Variants in VPS53 observed in about 807,000 individuals in gnomAD.
VPS53 encodes the protein VPS53 subunit of GARP complex, also known as vacuolar protein sorting-associated protein 53 homolog.
In VPS53, 70 loss-of-function variants were observed where a neutral mutation model predicts 107.0. The ratio of observed to expected loss-of-function variants is 0.65; its 90% CI spans 0.54 to 0.80. The LOEUF (loss-of-function observed/expected upper bound fraction) is 0.80, where lower values mean the gene tolerates loss of function less well. Ranked by LOEUF, VPS53 falls within the 30% of genes least tolerant of loss-of-function variation. The probability of loss-of-function intolerance (pLI) is 0.00; values close to 1 mark genes in which losing one functional copy is unlikely to be tolerated. For missense variants in VPS53, 917 were observed against 1,049.4 expected, an observed-to-expected ratio of 0.87 and a Z score of 1.74; for synonymous variants, 409 against 393.3, an observed-to-expected ratio of 1.04 and a Z score of -0.47.
At chr17:623,863 G>A (rs1969574267) in intron 10 of VPS53, among the ~76,000 whole-genome samples, 189 bp from the exon 11 acceptor site, 1 of 151,980 alleles carries the variant, frequency 6.6e-6, no homozygotes, top group Non-Finnish European at 1.5e-5. Context: ...GATTTTTAAG[G>A]TGAAATTATC....
At chr17:667,661 G>T (rs1013486104) in intron 4 of VPS53, among the ~76,000 whole-genome samples, 3 of 137,672 alleles carry the variant, frequency 2.2e-5, no homozygotes, top group East Asian at 2.6e-4. Flanking sequence ...GTTCTGGGGG[G>T]GGGGGCAATG....
intron 7 of VPS53, among the ~76,000 whole-genome samples, chr17:647,409 C>T (rs896911087): frequency 1.3e-5 from 2 of 152,166 alleles, no homozygotes; most frequent in African/African-American, 4.8e-5. Flanking sequence ...CAGCACGGGG[C>T]CTAGGATGTA....
intron 19 of VPS53, among the ~76,000 whole-genome samples, chr17:523,935 G>C (rs1597242902): frequency 6.6e-6 from 1 of 152,148 alleles, no homozygotes; most frequent in South Asian, 2.1e-4. Flanking sequence ...GCTTTTCCTC[G>C]GAGGAACCCA....
intron 17 of VPS53, among the ~76,000 whole-genome samples, chr17:542,722 TA>T (rs1285254449): frequency 6.6e-6 from 1 of 152,216 alleles, no homozygotes; most frequent in East Asian, 1.9e-4. Flanking sequence ...AACATGCCTG[TA>T]ATCCCAGCAG....
chr17:642,119 C>A (rs1970444863), intron 7 of VPS53, among the ~76,000 whole-genome samples: 1 of 152,182 alleles, frequency 6.6e-6, no homozygotes, highest in African/African-American at 2.4e-5. Flanking sequence ...AAAGAAAACA[C>A]CCCCAACAGT....
intron 5 of VPS53, chr17:657,256 C>T (rs1240447530): frequency 1.0e-6 from 1 of 988,816 alleles, no homozygotes; most frequent in African/African-American, 1.6e-5. Flanking sequence ...GCAAAGCAAC[C>T]TTTGGTGTCA....
intron 7 of VPS53, among the ~76,000 whole-genome samples, chr17:644,093 C>G (rs868128034): frequency 1.3e-5 from 2 of 152,192 alleles, no homozygotes; most frequent in Non-Finnish European, 2.9e-5. Flanking sequence ...TAGAAACATT[C>G]CCTTTCACGG....
At chr17:657,540 C>G (rs1406991834) in intron 5 of VPS53, 2 of 1,242,052 alleles carry the variant, frequency 1.6e-6, no homozygotes, top group African/African-American at 3.0e-5. Context: ...CTTGGCACCA[C>G]GAGCCATGGC....
intron 13 of VPS53, among the ~76,000 whole-genome samples, chr17:569,503 C>G (rs942880393): frequency 2.6e-5 from 4 of 152,102 alleles, no homozygotes; most frequent in African/African-American, 4.8e-5. Context: ...TGCCTACAAC[C>G]TACTGAATAA....
chr17:631,440 C>A (rs1375016617), intron 8 of VPS53, 110 bp downstream of exon 8: 2 of 1,160,518 alleles, frequency 1.7e-6, no homozygotes, highest in African/African-American at 3.0e-5. Context: ...GAAGGATTTG[C>A]AGCTGCCAGC....
chr17:610,319 A>G (rs1968802351), intron 11 of VPS53, among the ~76,000 whole-genome samples: 1 of 152,210 alleles, frequency 6.6e-6, no homozygotes, highest in African/African-American at 2.4e-5. Context: ...GAAACAACTT[A>G]AGCTGTGACA....
intron 16 of VPS53, 145 bp from the exon 17 acceptor site, chr17:552,095 G>A: frequency 1.4e-6 from 1 of 698,680 alleles, no homozygotes; most frequent in Non-Finnish European, 2.3e-6. Context: ...GGAACAGCTT[G>A]GCTCTTTCTT....
At chr17:601,045 G>C (rs1026557493) in intron 12 of VPS53, 2 of 152,192 alleles carry the variant, frequency 1.3e-5, no homozygotes, top group African/African-American at 4.8e-5. Flanking sequence ...TCTCAGAGCT[G>C]GTCCTCCCAG....
rs1047006028 is a variant in VPS53, at chr17:510,994, G to C, written c.*8134C>G. On this transcript the variant is annotated 3_prime_UTR_variant, in exon 22 of 22. Transcript: ENST00000437048. The stretch of plus-strand genomic sequence containing the variant: ...CGGTGTGGGTATGAGGTTGTGGGGG[G>C]CTCTGTGTGTAAACTGATGTTTCTT... 6.6e-6 allele frequency: 1 copy of C among 152,054 alleles called. No homozygotes were observed. The allele number at this position is 152,054 out of a possible 1,614,324, so 9.4% of individuals were successfully genotyped here. A position where few individuals can be genotyped will look rare whatever the true frequency, so the allele number is the denominator to read the frequency against.
chr17:668,105 A>G (rs554686283), intron 4 of VPS53, among the ~76,000 whole-genome samples: 2 of 152,286 alleles, frequency 1.3e-5, no homozygotes, highest in South Asian at 2.1e-4. Context: ...TAGCAGGGTT[A>G]TAAGTATCCT....
chr17:549,209 A>C (rs1024493798), intron 17 of VPS53, among the ~76,000 whole-genome samples: 1 of 152,222 alleles, frequency 6.6e-6, no homozygotes, highest in African/African-American at 2.4e-5. Context: ...CATTATCACA[A>C]AAGTTTTTTT....
intron 4 of VPS53, among the ~76,000 whole-genome samples, chr17:671,619 G>A (rs189026697): frequency 9.1e-4 from 138 of 152,118 alleles, no homozygotes; most frequent in Non-Finnish European, 1.3e-3. Flanking sequence ...CTTCCCCTCC[G>A]CATGCGAAAT....
chr17:589,204 A>G (rs1173841366), intron 12 of VPS53, among the ~76,000 whole-genome samples: 1 of 151,936 alleles, frequency 6.6e-6, no homozygotes, highest in Non-Finnish European at 1.5e-5. Context: ...ATCAACGTGT[A>G]TATTTTGCTT....
At chr17:602,149 G>A (rs1968358902) in intron 11 of VPS53, among the ~76,000 whole-genome samples, 3 of 152,150 alleles carry the variant, frequency 2.0e-5, no homozygotes, top group Non-Finnish European at 2.9e-5. Context: ...TCCTCAAACC[G>A]GAACTCCGTT....
Sources: allele counts gnomAD v4.1 joint callset (sites outside exome capture counted in the v4.1 genomes callset), GRCh38; gene constraint gnomAD v4.1.1; transcripts MANE v1.5; gene names NCBI Gene and HGNC (gene_info 2026-07-23, HGNC 2026-07-21).